Variants in PTPRT observed in about 807,000 individuals in gnomAD.
PTPRT encodes receptor-type tyrosine-protein phosphatase T.
A neutral mutation model predicts 176.8 loss-of-function variants in PTPRT; 56 were observed. The ratio of observed to expected loss-of-function variants is 0.32; its 90% CI spans 0.26 to 0.40. The LOEUF is 0.40. PTPRT is among the 10% of genes least tolerant of loss of function. The pLI, the probability that PTPRT is intolerant of heterozygous loss-of-function variation, is 1.00. For missense variants in PTPRT, 1,540 were observed against 1,908.2 expected, an observed-to-expected ratio of 0.81 and a Z score of 3.60; for synonymous variants, 783 against 739.0, an observed-to-expected ratio of 1.06 and a Z score of -0.96.
chr20:43,036,388 T>C (rs1406293326), intron 1 of PTPRT, among the ~76,000 whole-genome samples: 1 of 152,150 alleles, frequency 6.6e-6, no homozygotes, highest in Non-Finnish European at 1.5e-5. Flanking sequence ...TGCACCACTA[T>C]GCCCAGCTTT....
chr20:42,464,333 C>T (rs2071069772), intron 8 of PTPRT, among the ~76,000 whole-genome samples: 1 of 152,124 alleles, frequency 6.6e-6, no homozygotes. Flanking sequence ...AAGCTTATAT[C>T]CCTCAAAGAG....
intron 18 of PTPRT, among the ~76,000 whole-genome samples, chr20:42,135,528 T>C (rs1321374488): frequency 2.0e-5 from 3 of 152,192 alleles, no homozygotes; most frequent in Non-Finnish European, 4.4e-5. Context: ...GGTTTGAGTA[T>C]ACAGACCAAT....
Position 42,885,755 on chromosome 20 carries a change from C to T in PTPRT, c.214+52G>A, listed in dbSNP as rs368175000. Reference sequence around the variant, plus strand: ...AGTAAGTTCTTCCCCCCATGATTCACGGTAAAAACTAGCCATCCCCATTAC... The same window carrying T: ...AGTAAGTTCTTCCCCCCATGATTCATGGTAAAAACTAGCCATCCCCATTAC... On this transcript the variant is annotated intron_variant, in intron 2 of 30. Coordinates refer to ENST00000373187, the MANE Select transcript of PTPRT (RefSeq NM_007050.6). 2.6e-5 allele frequency: 40 copies of T among 1,567,160 alleles called. No homozygotes were observed. In the East Asian group the frequency reaches 3.0e-4, roughly 12 times the overall value.
At chr20:43,088,752 G>A (rs1326442380) in intron 1 of PTPRT, among the ~76,000 whole-genome samples, 1 of 152,074 alleles carries the variant, frequency 6.6e-6, no homozygotes, top group African/African-American at 2.4e-5. Flanking sequence ...CAGTGGATCT[G>A]CGAAACTTTC....
At chr20:42,567,861 G>C (rs183203230) in intron 7 of PTPRT, among the ~76,000 whole-genome samples, 1 of 152,056 alleles carries the variant, frequency 6.6e-6, no homozygotes, top group South Asian at 2.1e-4. Context: ...TCATGATTCT[G>C]ACTGTCTTAA....
At chr20:42,408,150 A>T (rs1008406462) in intron 9 of PTPRT, among the ~76,000 whole-genome samples, 1 of 152,142 alleles carries the variant, frequency 6.6e-6, no homozygotes, top group East Asian at 1.9e-4. Flanking sequence ...TAACTACCAA[A>T]CTATTTTAAA....
Position 42,112,842 on chromosome 20 carries a change from C to T in PTPRT, c.3100-2355G>A, listed in dbSNP as rs74740935. On this transcript the variant is annotated intron_variant, in intron 22 of 30. Transcript: ENST00000373187. ...CTGTTAGGAGGGAGAAATCAGATGC[C>T]CAGATGAAGGCAGTGATGAATGAGC... Among the ~76,000 whole-genome samples, 1,730 of 152,226 alleles carry T rather than the reference C, an allele frequency of 0.011. 37 individuals carry two copies. In the East Asian group the frequency reaches 0.12, roughly 10 times the overall value.
intron 12 of PTPRT, among the ~76,000 whole-genome samples, chr20:42,284,849 AT>A (rs1171985860): frequency 3.3e-5 from 5 of 152,008 alleles, no homozygotes; most frequent in Non-Finnish European, 5.9e-5. Context: ...TGTTAAAAAA[AT>A]GACAAGTCAT....
chr20:42,641,466 C>A (rs752320139), intron 7 of PTPRT, among the ~76,000 whole-genome samples: 1 of 152,106 alleles, frequency 6.6e-6, no homozygotes, highest in African/African-American at 2.4e-5. Context: ...CTCGCTCCCT[C>A]GCCTGAAAAT....
chr20:42,907,415 T>C (rs769881857), intron 1 of PTPRT, among the ~76,000 whole-genome samples: 9 of 152,004 alleles, frequency 5.9e-5, no homozygotes, highest in Non-Finnish European at 1.3e-4. Flanking sequence ...CAACGTTGAC[T>C]GGAATGAAGA....
Position 42,885,831 on chromosome 20 carries a change from T to C in PTPRT, c.190A>G (p.Met64Val), listed in dbSNP as rs372651512. ...CCTGTGGGCACTGCCTGGTCCAGCA[T>C]TGGTTTCTCCCATGTGTTAATCTGC... is the stretch of plus-strand genomic sequence containing the variant. ...WEQINTWEKP[M>V]LDQAVPTGSF... The change falls in exon 2 of 31, where the codon ATG (methionine) becomes GTG (valine). Residue 64 changes from methionine (M) to valine (V), a missense_variant. Transcript: ENST00000373187. The C allele has an allele frequency of 6.2e-6, 10 of 1,609,044 alleles. No individual in the cohort carries two copies. The highest frequency in any genetic ancestry group is 4.0e-5 in the African/African-American group (3 of 74,832).
At chr20:43,067,142 C>T (rs1033810128) in intron 1 of PTPRT, among the ~76,000 whole-genome samples, 1 of 152,110 alleles carries the variant, frequency 6.6e-6, no homozygotes, top group Non-Finnish European at 1.5e-5. Context: ...TATTCTTCTG[C>T]CATAAAAAGG....
chr20:42,866,387 C>T (rs969917388), intron 2 of PTPRT, among the ~76,000 whole-genome samples: 3 of 152,186 alleles, frequency 2.0e-5, no homozygotes, highest in African/African-American at 2.4e-5. Flanking sequence ...CACCCAAATC[C>T]AGTATCTTTG....
chr20:42,265,340 T>G (rs1370943051), intron 13 of PTPRT, among the ~76,000 whole-genome samples: 1 of 152,164 alleles, frequency 6.6e-6, no homozygotes, highest in African/African-American at 2.4e-5. Flanking sequence ...GAGTGATTTT[T>G]AATCATCTGA....
chr20:42,671,471 A>G (rs2075411892), intron 7 of PTPRT, among the ~76,000 whole-genome samples: 1 of 152,184 alleles, frequency 6.6e-6, no homozygotes, highest in South Asian at 2.1e-4. Context: ...AAACCACACA[A>G]TGCTCTAGAC....
chr20:43,073,605 A>G (rs1177219901), intron 1 of PTPRT, among the ~76,000 whole-genome samples: 2 of 151,410 alleles, frequency 1.3e-5, no homozygotes, highest in Non-Finnish European at 1.5e-5. Flanking sequence ...TGTTTTTGCC[A>G]TTACTTTCAA....
chr20:43,001,594 A>G (rs1014400699), intron 1 of PTPRT, among the ~76,000 whole-genome samples: 48 of 152,274 alleles, frequency 3.2e-4, no homozygotes, highest in Middle Eastern at 3.4e-3. Flanking sequence ...AAAAACAAGT[A>G]TACAACATTT....
intron 13 of PTPRT, among the ~76,000 whole-genome samples, chr20:42,280,662 G>A (rs141193369): frequency 1.1e-3 from 170 of 152,278 alleles, no homozygotes; most frequent in African/African-American, 3.8e-3. Context: ...TTATGCTAAG[G>A]AGAGGTAGAG....
chr20:42,826,414 A>G (rs535116296), intron 2 of PTPRT, among the ~76,000 whole-genome samples: 1 of 152,360 alleles, frequency 6.6e-6, no homozygotes, highest in South Asian at 2.1e-4. Context: ...TGCAATACAT[A>G]GACTCAAAAT....
Sources: allele counts gnomAD v4.1 joint callset (sites outside exome capture counted in the v4.1 genomes callset), GRCh38; gene constraint gnomAD v4.1.1; transcripts MANE v1.5; gene names NCBI Gene and HGNC (gene_info 2026-07-23, HGNC 2026-07-21).